The following DLG5 variants were observed in gnomAD, a reference collection of about 807,000 sequenced individuals.
The protein encoded by DLG5 is discs large MAGUK scaffold protein 5.
Under a neutral mutation model 189.8 loss-of-function variants are expected in DLG5, and 48 were observed. The observed-to-expected ratio is 0.25, with a 90% CI of 0.20 to 0.32. The LOEUF is 0.32. Ranked by LOEUF, DLG5 falls within the 10% of genes least tolerant of loss-of-function variation. The pLI is 1.00. For missense variants in DLG5, 2,160 were observed against 2,544.7 expected (o/e 0.85, Z 3.25); for synonymous variants, 1,016 against 1,054.1 (o/e 0.96, Z 0.70).
In DLG5 at chr10:77,807,819, C is replaced by G. The variant is rs760067616; in HGVS notation, c.4773G>C (p.Leu1591=). ...RPEEFTKAKG[L]PGDSFYIRAL... ...ACCTGATGTAGAAGCTGTCACCAGG[C>G]AGGCCCTTGGCCTTCGTGAACTCCT... Residue 1591 remains leucine, a synonymous_variant, in exon 25 of 32, where the codon CTG becomes CTC. Transcript: ENST00000372391. The G allele has an allele frequency of 9.9e-6, 16 of 1,614,006 alleles. No individual in the cohort carries two copies. In the Admixed American group the frequency reaches 2.7e-4, roughly 27 times the overall value.
At chr10:77,895,125 A>C (rs1845720871) in intron 1 of DLG5, among the ~76,000 whole-genome samples, 1 of 152,216 alleles carries the variant, frequency 6.6e-6, no homozygotes, top group African/African-American at 2.4e-5. Flanking sequence ...CTGCAGCCCC[A>C]GGCTGCTTCC....
In DLG5 at chr10:77,814,461, TTATATATATA is replaced by T. The variant is rs59297524; in HGVS notation, c.4025+2080_4026-2085del. ...TATGTACATAAATAATAAAGCATGT[TTATATATATA>T]TATATATATATATATATATATATAT... On this transcript the variant is annotated intron_variant, in intron 20 of 31. Transcript: ENST00000372391. Among the ~76,000 whole-genome samples the T allele has an allele frequency of 8.9e-3, 628 of 70,730 alleles. 8 individuals carry two copies. The highest frequency in any genetic ancestry group is 0.014 in the South Asian group (20 of 1,426). 46.4% of individuals were successfully genotyped at this position (70,730 alleles called of 152,430 possible).
At chr10:77,808,809 C>T (rs1841605236) in intron 24 of DLG5, among the ~76,000 whole-genome samples, 1 of 152,208 alleles carries the variant, frequency 6.6e-6, no homozygotes, top group Non-Finnish European at 1.5e-5. Flanking sequence ...TAAAAATCAA[C>T]CCTGGCCAGG....
intron 17 of DLG5, among the ~76,000 whole-genome samples, chr10:77,818,279 T>A (rs1159076890): frequency 6.6e-6 from 1 of 152,150 alleles, no homozygotes; most frequent in Non-Finnish European, 1.5e-5. Context: ...AGGGGACCTA[T>A]GTGCCTCACT....
intron 24 of DLG5, 48 bp downstream of exon 24, chr10:77,809,499 C>T (rs769332449): frequency 6.4e-7 from 1 of 1,553,910 alleles, no homozygotes; most frequent in Non-Finnish European, 8.7e-7. Context: ...AGCAAGCCCA[C>T]TGTGCAGGTA....
rs147873648 is a variant in DLG5 at position 77,794,102 on chromosome 10, G to A, written c.5562C>T (p.Pro1854=). ...SAKHIKEQRD[P]IYLRDKVTQR... ...GAGTCACCTTGTCCCTCAGGTAGATGGGGTCTCTCTGCTCCCTGTGGGGAC... is the reference window on the plus strand; with the variant it reads ...GAGTCACCTTGTCCCTCAGGTAGATAGGGTCTCTCTGCTCCCTGTGGGGAC... Residue 1854 remains proline, a synonymous_variant, in exon 31 of 32, where the codon CCC becomes CCT. Coordinates refer to ENST00000372391, the MANE Select transcript of DLG5 (RefSeq NM_004747.4). The A allele has an allele frequency of 4.1e-5, 66 of 1,614,014 alleles. No individual in the cohort carries two copies. Among genetic ancestry groups the A allele is most frequent in the Non-Finnish European group, 5.1e-5 (60 of 1,180,028 alleles).
At chr10:77,806,664 C>T (rs1841487249) in intron 26 of DLG5, 94 bp downstream of exon 26, 3 of 1,475,572 alleles carry the variant, frequency 2.0e-6, no homozygotes, top group Non-Finnish European at 2.8e-6. Flanking sequence ...CCTCCAGCAG[C>T]CCTGGCCCCA....
In DLG5 at chr10:77,912,118, C is replaced by T. The variant is rs75368020; in HGVS notation, c.304+14099G>A. ...CAGGGAGGCTGAGGCAGGAGGATCG[C>T]CTGAGCCCAGGAGTTCAAGATTACA... On this transcript the variant is annotated intron_variant, in intron 1 of 31. Transcript: ENST00000372391. 6.5e-4 allele frequency among the ~76,000 whole-genome samples: 97 copies of T among 149,986 alleles called. 1 individual carries two copies. Among genetic ancestry groups the T allele is most frequent in the African/African-American group, 2.0e-3 (83 of 40,712 alleles).
chr10:77,799,689 G>A (rs1253856764), intron 27 of DLG5, among the ~76,000 whole-genome samples: 2 of 152,034 alleles, frequency 1.3e-5, no homozygotes, highest in Non-Finnish European at 2.9e-5. Context: ...GCTCATCGCA[G>A]CACTGTACTC....
intron 20 of DLG5, among the ~76,000 whole-genome samples, chr10:77,814,253 C>T (rs1462503425): frequency 6.6e-6 from 1 of 152,014 alleles, no homozygotes; most frequent in East Asian, 1.9e-4. Flanking sequence ...GCTGGGATTA[C>T]AGGCATAGGC....
At chr10:77,811,502 T>C (rs540966267) in intron 22 of DLG5, among the ~76,000 whole-genome samples, 2 of 152,238 alleles carry the variant, frequency 1.3e-5, no homozygotes, top group African/African-American at 4.8e-5. Flanking sequence ...CCTCTGCCTG[T>C]GCATCCCATC....
the DLG5 span, among the ~76,000 whole-genome samples, chr10:77,938,345 C>T: frequency 6.6e-5 from 10 of 152,106 alleles, no homozygotes; most frequent in African/African-American, 2.4e-4. Flanking sequence ...ATCGGAGAAT[C>T]ACTTGAGCCC....
chr10:77,854,461 T>C (rs1360204709), intron 3 of DLG5, 91 bp from the exon 4 acceptor site: 2 of 1,546,338 alleles, frequency 1.3e-6, no homozygotes, highest in East Asian at 2.2e-5. Flanking sequence ...AGCCCAGTGG[T>C]TCCCCAGTAC....
intron 7 of DLG5, among the ~76,000 whole-genome samples, chr10:77,837,616 G>A (rs890331481): frequency 7.2e-5 from 11 of 152,212 alleles, no homozygotes; most frequent in African/African-American, 2.7e-4. Context: ...TAAACAAATG[G>A]TAAAATTTGG....
intron 20 of DLG5, among the ~76,000 whole-genome samples, chr10:77,813,468 T>C (rs1406421833): frequency 1.3e-5 from 2 of 152,080 alleles, no homozygotes; most frequent in African/African-American, 2.4e-5. Context: ...CCCTCCAAAG[T>C]GTTCCCACTT....
chr10:77,916,810 C>T (rs911689914), intron 1 of DLG5, among the ~76,000 whole-genome samples: 5 of 151,354 alleles, frequency 3.3e-5, no homozygotes, highest in African/African-American at 1.2e-4. Flanking sequence ...TATTTGTACA[C>T]CCATGGTGTC....
At position 77,872,003 on chromosome 10, in the gene DLG5, A is replaced by G. The variant is rs541926511; in HGVS notation, c.305-2806T>C. ...TGCCTATTTTCTAAACTCAACTACC[A>G]TTTTTTAAATAGTATTTTTTCTTTA... On this transcript the variant is annotated intron_variant, in intron 1 of 31. Coordinates refer to ENST00000372391, the MANE Select transcript of DLG5 (RefSeq NM_004747.4). Among the ~76,000 whole-genome samples, 3 of 152,268 alleles carry G rather than the reference A, an allele frequency of 2.0e-5. No homozygotes were observed. The South Asian group carries it at 6.2e-4, about 32-fold the overall frequency.
intron 1 of DLG5, among the ~76,000 whole-genome samples, chr10:77,894,884 G>A (rs1041879034): frequency 1.3e-5 from 2 of 152,154 alleles, no homozygotes; most frequent in African/African-American, 4.8e-5. Context: ...CAGAGGTCTT[G>A]TACCGGTCTC....
At chr10:77,853,273 T>C in intron 5 of DLG5, 81 bp downstream of exon 5, 2 of 1,288,628 alleles carry the variant, frequency 1.6e-6, no homozygotes, top group Admixed American at 6.3e-5. Context: ...CGGCCCAGCA[T>C]TTACTTCTCA....
Sources: gnomAD v4.1 joint callset for allele counts (sites outside exome capture counted in the v4.1 genomes callset) on GRCh38, gnomAD v4.1.1 for gene constraint, MANE v1.5 for transcripts, NCBI Gene and HGNC (gene_info 2026-07-23, HGNC 2026-07-21) for gene names.